Variants in LRP12 observed in about 807,000 individuals in gnomAD.
The protein encoded by LRP12 is LDL receptor related protein 12, also known as low-density lipoprotein receptor-related protein 12.
LRP12 carries 14 observed loss-of-function variants against 66.0 expected under a neutral mutation model. The observed-to-expected ratio is 0.21, with a 90% CI of 0.14 to 0.33. LRP12 has a LOEUF of 0.33. LRP12 is among the 10% of genes least tolerant of loss of function. The pLI is 1.00. For synonymous variants in LRP12, 357 were observed against 359.1 expected (o/e 0.99, Z 0.07); for missense variants, 889 against 1,053.4 (o/e 0.84, Z 2.16).
At chr8:104,534,856 TTTG>T (rs1425093875) in intron 1 of LRP12, among the ~76,000 whole-genome samples, 3 of 151,778 alleles carry the variant, frequency 2.0e-5, no homozygotes, top group African/African-American at 7.3e-5. Flanking sequence ...AGAAAATCGC[TTTG>T]TTAACACAAA....
chr8:104,548,227 T>C (rs1412137382), intron 1 of LRP12, among the ~76,000 whole-genome samples: 1 of 103,376 alleles, frequency 9.7e-6, no homozygotes, highest in South Asian at 2.6e-4. Context: ...ATATATGATA[T>C]ATTTATATTA....
chr8:104,587,435 CT>C (rs963666490), intron 1 of LRP12, among the ~76,000 whole-genome samples: 4 of 152,128 alleles, frequency 2.6e-5, no homozygotes. Flanking sequence ...AAGTCGTGTA[CT>C]GGGTTTTTGG....
intron 1 of LRP12, among the ~76,000 whole-genome samples, chr8:104,555,180 C>T (rs1259140461): frequency 6.6e-6 from 1 of 152,144 alleles, no homozygotes; most frequent in Non-Finnish European, 1.5e-5. Context: ...TTAAACCATA[C>T]ATCTCAAAGG....
At chr8:104,537,091 G>C (rs1364030079) in intron 1 of LRP12, among the ~76,000 whole-genome samples, 1 of 151,824 alleles carries the variant, frequency 6.6e-6, no homozygotes, top group African/African-American at 2.4e-5. Flanking sequence ...TCAGACACTG[G>C]GCAACAGGCA....
chr8:104,502,045 T>C (rs1262288622), intron 3 of LRP12, among the ~76,000 whole-genome samples: 31 of 152,296 alleles, frequency 2.0e-4, no homozygotes, highest in Non-Finnish European at 1.5e-5. Context: ...ATCTAGAACA[T>C]AGAAGATACT....
At chr8:104,533,596 C>T (rs1424636284) in intron 1 of LRP12, among the ~76,000 whole-genome samples, 2 of 152,114 alleles carry the variant, frequency 1.3e-5, no homozygotes, top group Non-Finnish European at 2.9e-5. Context: ...TACATTGCTA[C>T]AAATCACAGT....
chr8:104,584,581 C>A (rs1215804625), intron 1 of LRP12, among the ~76,000 whole-genome samples: 1 of 152,080 alleles, frequency 6.6e-6, no homozygotes, highest in African/African-American at 2.4e-5. Context: ...CCTTATAAAT[C>A]ATTTACCATA....
intron 1 of LRP12, among the ~76,000 whole-genome samples, chr8:104,535,340 G>A (rs1166106819): frequency 1.3e-5 from 2 of 151,882 alleles, no homozygotes; most frequent in Non-Finnish European, 2.9e-5. Flanking sequence ...TCTAGAGTCA[G>A]ACTCCTGTAA....
At position 104,508,922 on chromosome 8, in the gene LRP12, C is replaced by A; in HGVS notation, c.272+17G>T. The A allele has an allele frequency of 6.3e-7, 1 of 1,599,466 alleles. No individual in the cohort carries two copies. Among genetic ancestry groups the A allele is most frequent in the Non-Finnish European group, 8.5e-7 (1 of 1,171,048 alleles). On this transcript the variant is annotated intron_variant, in intron 3 of 6. Coordinates refer to ENST00000276654, the MANE Select transcript of LRP12 (RefSeq NM_013437.5). ...TTTTGTAATAAATTATATAGTAATA[C>A]AGAAAGGTAGAATTACCTTATAGTA...
rs1162268837 is a variant in LRP12, at chr8:104,489,407, C to T, written c.*1266G>A. On this transcript the variant is annotated 3_prime_UTR_variant, in exon 7 of 7. Coordinates refer to ENST00000276654, the MANE Select transcript of LRP12 (RefSeq NM_013437.5). The stretch of plus-strand genomic sequence containing the variant: ...TTAAAATTTAATAAATAGCAAATCA[C>T]ACACAGATACATTTTTCATAATCAT... 2 of 152,466 alleles carry T rather than the reference C, an allele frequency of 1.3e-5. No individual in the cohort carries two copies. 9.4% of individuals were successfully genotyped at this position (152,466 alleles called of 1,614,324 possible).
chr8:104,514,147 C>A (rs1811040296), intron 2 of LRP12, among the ~76,000 whole-genome samples: 1 of 152,050 alleles, frequency 6.6e-6, no homozygotes, highest in Non-Finnish European at 1.5e-5. Context: ...CTGCCTTCAC[C>A]ACTTCTTAGG....
At position 104,491,228 on chromosome 8, in the gene LRP12, C is replaced by T. The variant is rs1292956554; in HGVS notation, c.2025G>A (p.Leu675=). 1 of 1,613,930 alleles carries T rather than the reference C, an allele frequency of 6.2e-7. No individual in the cohort carries two copies. Among genetic ancestry groups the T allele is most frequent in the Non-Finnish European group, 8.5e-7 (1 of 1,179,946 alleles). ...AGASGGVAAP[L]PQKVPPTTAV... is the part of the protein sequence containing the mutation. ...CCGTTGTGGGAGGGACTTTTTGAGG[C>T]AAAGGAGCTGCAACCCCACCAGATG... Residue 675 remains leucine, a synonymous_variant, in exon 7 of 7, where the codon TTG becomes TTA. Transcript: ENST00000276654.
chr8:104,535,824 C>G (rs78363043), intron 1 of LRP12, among the ~76,000 whole-genome samples: 4,655 of 151,988 alleles, frequency 0.031, 235 homozygotes, highest in African/African-American at 0.11. Context: ...GTGTTCCTTA[C>G]TTTTTTTAAA....
At chr8:104,577,015 A>G (rs2140898093) in intron 1 of LRP12, among the ~76,000 whole-genome samples, 1 of 152,334 alleles carries the variant, frequency 6.6e-6, no homozygotes, top group Middle Eastern at 3.4e-3. Context: ...ACATAATGGT[A>G]ATGGGTTCAA....
At chr8:104,521,597 CTATAG>C in intron 2 of LRP12, among the ~76,000 whole-genome samples, 1 of 151,222 alleles carries the variant, frequency 6.6e-6, no homozygotes, top group East Asian at 1.9e-4. Flanking sequence ...TATTAGCATC[CTATAG>C]TAATGTTTTT....
At chr8:104,565,809 C>T (rs1224142988) in intron 1 of LRP12, among the ~76,000 whole-genome samples, 3 of 149,342 alleles carry the variant, frequency 2.0e-5, no homozygotes, top group Admixed American at 1.3e-4. Context: ...TGCAGTGAAC[C>T]GAGATCGCAC....
At chr8:104,521,023 A>C (rs553264444) in intron 2 of LRP12, among the ~76,000 whole-genome samples, 7 of 152,154 alleles carry the variant, frequency 4.6e-5, no homozygotes, top group African/African-American at 1.7e-4. Flanking sequence ...TGTTCTGTCT[A>C]TAGTTCTGGT....
In LRP12 at chr8:104,588,976, C is replaced by CGCCGA. The variant is rs1812389281; in HGVS notation, c.-80_-79insTCGGC. The stretch of plus-strand genomic sequence containing the variant: ...CTGGAGGTAGACGACGCCGACGCCG[C>CGCCGA]CGCCGCCGCCGCCGCCGCCGCCGAG... On this transcript the variant is annotated 5_prime_UTR_variant, in exon 1 of 7. Transcript: ENST00000276654. 4.6e-6 allele frequency: 3 copies of CGCCGA among 648,442 alleles called. No homozygotes were observed. The highest frequency in any genetic ancestry group is 7.2e-6 in the Non-Finnish European group (3 of 418,450). 40.2% of individuals were successfully genotyped at this position (648,442 alleles called of 1,614,324 possible). A position where few individuals can be genotyped will look rare whatever the true frequency, so the allele number is the denominator to read the frequency against.
At chr8:104,571,438 C>T (rs747606385) in intron 1 of LRP12, among the ~76,000 whole-genome samples, 2 of 152,162 alleles carry the variant, frequency 1.3e-5, no homozygotes, top group Non-Finnish European at 2.9e-5. Flanking sequence ...GTGGAGGTAA[C>T]TGAATCATGG....
Sources: allele counts gnomAD v4.1 joint callset (sites outside exome capture counted in the v4.1 genomes callset), GRCh38; gene constraint gnomAD v4.1.1; transcripts MANE v1.5; gene names NCBI Gene and HGNC (gene_info 2026-07-23, HGNC 2026-07-21).